SORCS3: variants seen among roughly 807,000 people sequenced by gnomAD.
SORCS3 encodes sortilin related VPS10 domain containing receptor 3.
SORCS3 carries 57 observed loss-of-function variants against 146.3 expected under a neutral mutation model. The observed-to-expected ratio is 0.39, with a 90% CI of 0.31 to 0.49. The LOEUF (loss-of-function observed/expected upper bound fraction) is 0.49. Ranked by LOEUF, SORCS3 falls within the 20% of genes least tolerant of loss-of-function variation. SORCS3 has a pLI of 0.92. For synonymous variants in SORCS3, 653 were observed against 618.5 expected (o/e 1.06, Z -0.83); for missense variants, 1,341 against 1,575.5 (o/e 0.85, Z 2.52).
chr10:104,975,515 C>G (rs1345107553), intron 3 of SORCS3, among the ~76,000 whole-genome samples: 2 of 152,160 alleles, frequency 1.3e-5, no homozygotes, highest in Non-Finnish European at 2.9e-5. Flanking sequence ...AATGCCATCC[C>G]CATCAAGCTG....
At chr10:104,998,479 C>T (rs117915390) in intron 4 of SORCS3, among the ~76,000 whole-genome samples, 2,035 of 152,234 alleles carry the variant, frequency 0.013, 21 homozygotes, top group Non-Finnish European at 0.022. Flanking sequence ...CAGAGGATGT[C>T]AATTTTCATA....
rs951275834 is a variant in SORCS3, at chr10:104,888,219, C to G, written c.696-27614C>G. 2.0e-5 allele frequency among the ~76,000 whole-genome samples: 3 copies of G among 152,166 alleles called. No homozygotes were observed. The South Asian group carries it at 6.2e-4, about 32-fold the overall frequency. On this transcript the variant is annotated intron_variant, in intron 2 of 26. Transcript: ENST00000369701. The stretch of plus-strand genomic sequence containing the variant: ...TTAACCTCTTTTAAACGATTTTACT[C>G]TTTTATTCCCCTGCTTCTGAGAATA...
rs369766052 is a variant in SORCS3, at chr10:105,211,101, A to G, written c.2262-36A>G. The G allele has an allele frequency of 6.1e-6, 9 of 1,469,816 alleles. No individual in the cohort carries two copies. The Admixed American group carries it at 1.0e-4, about 16-fold the overall frequency. The allele number at this position is 1,469,816 out of a possible 1,614,324, so 91.0% of individuals were successfully genotyped here. On this transcript the variant is annotated intron_variant, in intron 16 of 26. Coordinates refer to ENST00000369701, the MANE Select transcript of SORCS3 (RefSeq NM_014978.3). ...CCTGCGGTTATTTTAGCGTTTGTAC[A>G]TATATACTACTATGCAATATTCATT...
intron 4 of SORCS3, among the ~76,000 whole-genome samples, chr10:104,987,257 A>G (rs568807128): frequency 6.6e-6 from 1 of 152,134 alleles, no homozygotes; most frequent in Non-Finnish European, 1.5e-5. Flanking sequence ...ATTTTAAAGA[A>G]TGGAAGGAAA....
intron 5 of SORCS3, among the ~76,000 whole-genome samples, chr10:105,062,186 C>T (rs550124594): frequency 1.3e-5 from 2 of 152,188 alleles, no homozygotes; most frequent in Non-Finnish European, 2.9e-5. Flanking sequence ...TATGTGATGT[C>T]AAGCAATGTG....
chr10:104,961,930 T>G (rs116626308), intron 3 of SORCS3, among the ~76,000 whole-genome samples: 1,825 of 152,240 alleles, frequency 0.012, 34 homozygotes, highest in African/African-American at 0.04. Flanking sequence ...GAACATTGTT[T>G]AACCAAAGCT....
intron 2 of SORCS3, among the ~76,000 whole-genome samples, chr10:104,887,351 A>G (rs1203750713): frequency 3.3e-5 from 5 of 152,196 alleles, no homozygotes; most frequent in Non-Finnish European, 7.3e-5. Flanking sequence ...GGCATGAGCA[A>G]AATCTTGGGA....
intron 2 of SORCS3, among the ~76,000 whole-genome samples, chr10:104,878,746 T>C (rs1337364081): frequency 6.6e-6 from 1 of 152,224 alleles, no homozygotes; most frequent in Non-Finnish European, 1.5e-5. Flanking sequence ...ATTATGCCAT[T>C]ATCAGTCATG....
At chr10:104,710,111 C>T (rs1285439715) in intron 1 of SORCS3, among the ~76,000 whole-genome samples, 2 of 152,116 alleles carry the variant, frequency 1.3e-5, no homozygotes, top group African/African-American at 2.4e-5. Flanking sequence ...AACTCTTTAA[C>T]ATTCTAATCG....
intron 9 of SORCS3, among the ~76,000 whole-genome samples, chr10:105,155,144 G>A (rs1171859212): frequency 1.3e-5 from 2 of 152,278 alleles, no homozygotes; most frequent in East Asian, 3.9e-4. Flanking sequence ...GGGACACACA[G>A]AAAATGCCCG....
chr10:105,217,303 A>T (rs1396992910), intron 19 of SORCS3, among the ~76,000 whole-genome samples, 181 bp downstream of exon 19: 4 of 152,166 alleles, frequency 2.6e-5, no homozygotes, highest in Admixed American at 2.6e-4. Flanking sequence ...AAATAGATTG[A>T]TTATTTTGAA....
intron 1 of SORCS3, among the ~76,000 whole-genome samples, chr10:104,667,011 G>A (rs1046259898): frequency 6.6e-6 from 1 of 151,900 alleles, no homozygotes. Flanking sequence ...GAGAGAGAGA[G>A]GAGAGAGAAG....
chr10:105,172,437 C>A (rs943541762), intron 13 of SORCS3, among the ~76,000 whole-genome samples: 12 of 152,124 alleles, frequency 7.9e-5, no homozygotes, highest in Non-Finnish European at 8.8e-5. Flanking sequence ...ACATGGAAAT[C>A]TTTATTCTAT....
chr10:104,908,945 A>G (rs2018936871), intron 2 of SORCS3, among the ~76,000 whole-genome samples: 2 of 152,204 alleles, frequency 1.3e-5, no homozygotes. Flanking sequence ...GCAGCCAGGC[A>G]GGGAAGGATG....
At chr10:104,850,066 T>C (rs1385785536) in intron 2 of SORCS3, among the ~76,000 whole-genome samples, 2 of 152,208 alleles carry the variant, frequency 1.3e-5, no homozygotes, top group East Asian at 3.9e-4. Flanking sequence ...ACTCGGTCTT[T>C]ATTGGTTTCC....
chr10:104,797,032 T>C (rs2133505183), intron 1 of SORCS3, among the ~76,000 whole-genome samples: 1 of 152,328 alleles, frequency 6.6e-6, no homozygotes, highest in East Asian at 1.9e-4. Context: ...TCTCTACTCT[T>C]TGCAGCCTAG....
chr10:104,698,332 T>G (rs2016241262), intron 1 of SORCS3, among the ~76,000 whole-genome samples: 1 of 152,142 alleles, frequency 6.6e-6, no homozygotes, highest in Admixed American at 6.6e-5. Flanking sequence ...ATTGCACTCT[T>G]TTTTGCAAAT....
intron 6 of SORCS3, among the ~76,000 whole-genome samples, chr10:105,097,089 G>A (rs919584634): frequency 2.4e-4 from 37 of 152,152 alleles, no homozygotes; most frequent in African/African-American, 8.7e-4. Flanking sequence ...GGCTTTTTCA[G>A]TTGTGTGGTG....
intron 1 of SORCS3, among the ~76,000 whole-genome samples, chr10:104,723,427 G>C (rs2016577292): frequency 6.6e-6 from 1 of 152,134 alleles, no homozygotes; most frequent in Admixed American, 6.5e-5. Context: ...AATAGGTGTG[G>C]TGTGGTGCTG....
Sources: gnomAD v4.1 joint callset for allele counts (sites outside exome capture counted in the v4.1 genomes callset) on GRCh38, gnomAD v4.1.1 for gene constraint, MANE v1.5 for transcripts, NCBI Gene and HGNC (gene_info 2026-07-23, HGNC 2026-07-21) for gene names.